GRID1: variants seen among roughly 807,000 people sequenced by gnomAD.
GRID1 encodes the protein glutamate receptor ionotropic, delta-1.
A neutral mutation model predicts 98.0 loss-of-function variants in GRID1; 28 were observed. The observed-to-expected ratio is 0.29, with a 90% confidence interval of 0.21 to 0.39. GRID1 has a LOEUF of 0.39. GRID1 is among the 10% of genes least tolerant of loss of function. GRID1 has a pLI of 1.00. For missense variants in GRID1, 1,111 were observed against 1,340.5 expected (o/e 0.83, Z 2.67); for synonymous variants, 553 against 538.5 (o/e 1.03, Z -0.37).
intron 2 of GRID1, among the ~76,000 whole-genome samples, chr10:86,318,649 G>A (rs1313904874): frequency 6.6e-6 from 1 of 152,208 alleles, no homozygotes; most frequent in Admixed American, 6.5e-5. Context: ...GACATGGCAG[G>A]GTGAGGGACA....
At chr10:85,772,968 T>A (rs1842288454) in intron 8 of GRID1, among the ~76,000 whole-genome samples, 1 of 152,168 alleles carries the variant, frequency 6.6e-6, no homozygotes, top group African/African-American at 2.4e-5. Flanking sequence ...CCCTAACTCA[T>A]TTTATGAGGC....
chr10:86,068,632 C>G (rs1328815768), intron 4 of GRID1, among the ~76,000 whole-genome samples: 1 of 152,210 alleles, frequency 6.6e-6, no homozygotes, highest in East Asian at 1.9e-4. Flanking sequence ...GGTAAAGAAG[C>G]CTACTGCCAG....
At chr10:85,827,802 T>C (rs1760744040) in intron 8 of GRID1, among the ~76,000 whole-genome samples, 1 of 152,144 alleles carries the variant, frequency 6.6e-6, no homozygotes, top group Non-Finnish European at 1.5e-5. Flanking sequence ...TCTAAGACCT[T>C]GAAAAGAGAC....
chr10:86,156,602 T>C (rs1203643925), intron 3 of GRID1, among the ~76,000 whole-genome samples: 3 of 152,182 alleles, frequency 2.0e-5, no homozygotes, highest in Non-Finnish European at 2.9e-5. Flanking sequence ...CCTGGCACTT[T>C]AACTAAGGTA....
chr10:85,708,286 C>T (rs1841545552), intron 12 of GRID1, among the ~76,000 whole-genome samples: 2 of 151,904 alleles, frequency 1.3e-5, no homozygotes, highest in South Asian at 2.1e-4. Context: ...CGCCTGTAGT[C>T]CTAGCTACTC....
At chr10:85,779,478 C>A (rs1317331299) in intron 8 of GRID1, among the ~76,000 whole-genome samples, 1 of 152,072 alleles carries the variant, frequency 6.6e-6, no homozygotes, top group East Asian at 1.9e-4. Context: ...CAGCAGACAT[C>A]ACCACTCCCA....
chr10:86,064,015 T>C (rs1214049367), intron 4 of GRID1, among the ~76,000 whole-genome samples: 1 of 152,128 alleles, frequency 6.6e-6, no homozygotes, highest in Non-Finnish European at 1.5e-5. Context: ...GATACAAAGA[T>C]ATTAATGATG....
intron 15 of GRID1, among the ~76,000 whole-genome samples, chr10:85,608,871 T>C (rs1231783811): frequency 6.6e-6 from 1 of 152,196 alleles, no homozygotes; most frequent in Non-Finnish European, 1.5e-5. Flanking sequence ...ACACTCACTA[T>C]TCTTACTCTC....
chr10:86,350,699 A>C (rs1848450863), intron 2 of GRID1, among the ~76,000 whole-genome samples: 1 of 151,902 alleles, frequency 6.6e-6, no homozygotes, highest in Non-Finnish European at 1.5e-5. Flanking sequence ...TGGGGTACAG[A>C]GTGATATTTC....
At chr10:86,281,873 G>A (rs1298840431) in intron 2 of GRID1, among the ~76,000 whole-genome samples, 4 of 152,188 alleles carry the variant, frequency 2.6e-5, no homozygotes, top group Non-Finnish European at 5.9e-5. Flanking sequence ...CCTTCCTCCA[G>A]CCCACAGTTG....
At chr10:86,225,196 T>C (rs1478116743) in intron 2 of GRID1, among the ~76,000 whole-genome samples, 2 of 151,926 alleles carry the variant, frequency 1.3e-5, no homozygotes, top group Non-Finnish European at 1.5e-5. Context: ...CCCAGGCCGG[T>C]GGGGAGCTGA....
At chr10:85,951,284 A>T (rs1173371775) in intron 4 of GRID1, among the ~76,000 whole-genome samples, 1 of 152,158 alleles carries the variant, frequency 6.6e-6, no homozygotes, top group Non-Finnish European at 1.5e-5. Flanking sequence ...TAATAATTGA[A>T]TGTGATGGGA....
chr10:86,314,462 G>A (rs1430621525), intron 2 of GRID1, among the ~76,000 whole-genome samples: 1 of 152,256 alleles, frequency 6.6e-6, no homozygotes, highest in African/African-American at 2.4e-5. Context: ...CCCTCAGGGT[G>A]GGATCAGCTG....
At chr10:85,748,498 TTAAAA>T (rs1258829323) in intron 8 of GRID1, among the ~76,000 whole-genome samples, 1 of 152,156 alleles carries the variant, frequency 6.6e-6, no homozygotes, top group East Asian at 1.9e-4. Context: ...ATTAGCAATA[TTAAAA>T]TAATTATTAT....
chr10:86,325,414 A>G (rs546493640), intron 2 of GRID1, among the ~76,000 whole-genome samples: 1 of 152,282 alleles, frequency 6.6e-6, no homozygotes, highest in East Asian at 1.9e-4. Context: ...AAGCCCGTAC[A>G]CTCAACCTCC....
At chr10:85,917,181 G>C (rs983204658) in intron 4 of GRID1, among the ~76,000 whole-genome samples, 1 of 152,154 alleles carries the variant, frequency 6.6e-6, no homozygotes, top group Non-Finnish European at 1.5e-5. Flanking sequence ...CCGTGAGCAG[G>C]TGCCAAGTGC....
intron 2 of GRID1, among the ~76,000 whole-genome samples, chr10:86,221,981 C>T (rs1846261674): frequency 6.6e-6 from 1 of 152,042 alleles, no homozygotes; most frequent in Non-Finnish European, 1.5e-5. Context: ...AGCATCAGGG[C>T]CATCACAGAA....
At chr10:86,002,449 A>C (rs1842812929) in intron 4 of GRID1, among the ~76,000 whole-genome samples, 1 of 152,216 alleles carries the variant, frequency 6.6e-6, no homozygotes, top group Non-Finnish European at 1.5e-5. Context: ...TGAAGTTTTC[A>C]AACCAGCACT....
chr10:85,723,204 G>A (rs988395487), intron 11 of GRID1, 63 bp from the exon 12 acceptor site: 22 of 1,515,406 alleles, frequency 1.5e-5, no homozygotes, highest in Non-Finnish European at 1.9e-5. Flanking sequence ...TCCCCAGGGA[G>A]GTGTTCTGCC....
Sources: gnomAD v4.1 joint callset for allele counts (sites outside exome capture counted in the v4.1 genomes callset) on GRCh38, gnomAD v4.1.1 for gene constraint, MANE v1.5 for transcripts, NCBI Gene and HGNC (gene_info 2026-07-23, HGNC 2026-07-21) for gene names.